MAP3K10: variants seen among roughly 807,000 people sequenced by gnomAD.
MAP3K10 encodes mitogen-activated protein kinase kinase kinase 10.
In MAP3K10, 22 loss-of-function variants were observed where a neutral mutation model predicts 75.0. That is an observed-to-expected ratio of 0.29 (90% CI 0.21 to 0.42). The LOEUF (loss-of-function observed/expected upper bound fraction) is 0.42, where lower values mean the gene tolerates loss of function less well. MAP3K10 is among the 10% of genes least tolerant of loss of function. MAP3K10 has a pLI of 1.00. For synonymous variants in MAP3K10, 599 were observed against 612.9 expected, an observed-to-expected ratio of 0.98 and a Z score of 0.34; for missense variants, 1,165 against 1,379.8, an observed-to-expected ratio of 0.84 and a Z score of 2.47.
At chr19:40,206,931 C>T (rs969335839) in intron 5 of MAP3K10, among the ~76,000 whole-genome samples, 5 of 152,110 alleles carry the variant, frequency 3.3e-5, no homozygotes, top group Admixed American at 1.3e-4. Context: ...AATCCCGCCT[C>T]TACTAAAACT....
In MAP3K10 at chr19:40,196,743, T is replaced by C. The variant is rs1972914896; in HGVS notation, c.683-1632T>C. On this transcript the variant is annotated intron_variant, in intron 1 of 9. Transcript: ENST00000253055. Reference sequence around the variant, plus strand: ...TATGTTGGCCAGGCTGGTCTCGGTCTCCTGACCTCAAGTGATCCACCTACC... The same window carrying C: ...TATGTTGGCCAGGCTGGTCTCGGTCCCCTGACCTCAAGTGATCCACCTACC... Among the ~76,000 whole-genome samples the C allele has an allele frequency of 3.9e-5, 6 of 152,274 alleles. 1 individual carries two copies. In the South Asian group the frequency reaches 1.2e-3, roughly 32 times the overall value.
In MAP3K10 at chr19:40,198,561, G is replaced by C. The variant is rs763269604; in HGVS notation, c.863+6G>C. ...AAAAGCAGTGATGTCTGGAGGTGCT[G>C]AAAGGCGCGGCCGGGATGGCCTCTG... On this transcript the variant is annotated splice_donor_region_variant and intron_variant, in intron 2 of 9. Transcript: ENST00000253055. This position sits in a 1 kb window ranked among gnomAD's most constrained non-coding sequence, Gnocchi z 4.3. 3.1e-6 allele frequency: 5 copies of C among 1,605,072 alleles called. No homozygotes were observed. Among genetic ancestry groups the C allele is most frequent in the Admixed American group, 1.7e-5 (1 of 59,490 alleles).
rs748993315 is a variant in MAP3K10, at chr19:40,198,351, C to T, written c.683-24C>T. On this transcript the variant is annotated intron_variant, in intron 1 of 9. Coordinates refer to ENST00000253055, the MANE Select transcript of MAP3K10 (RefSeq NM_002446.4). The surrounding 1 kb of genome is among the most constrained non-coding windows in gnomAD (Gnocchi z 4.3). ...CTGCGGCGTGGCAGGTCTGGGGTGA[C>T]CCACCTTTCTTCCCACCCCACAGTC... 3 of 1,596,098 alleles carry T rather than the reference C, an allele frequency of 1.9e-6. No individual in the cohort carries two copies. The highest frequency in any genetic ancestry group is 2.6e-6 in the Non-Finnish European group (3 of 1,169,634).
At position 40,214,007 on chromosome 19, in the gene MAP3K10, A is replaced by ACCCCCCCCCCCCCCCCCCCCCCCCCCCCC; in HGVS notation, c.2330_2331insCCCCCCCCCCCCCCCCCCCCCCCCCCCCC (p.Ser779ProfsTer53). 1 of 512,952 alleles carries ACCCCCCCCCCCCCCCCCCCCCCCCCCCCC rather than the reference A, an allele frequency of 1.9e-6. No homozygotes were observed. Among genetic ancestry groups the ACCCCCCCCCCCCCCCCCCCCCCCCCCCCC allele is most frequent in the East Asian group, 6.5e-5 (1 of 15,472 alleles). The allele number at this position is 512,952 out of a possible 1,614,324, so 31.8% of individuals were successfully genotyped here. ...AGGCCGCACCGGCCGCGCCCTCCCCACCACCCTCCCCGCCCGCGCCCACAC... is the reference window on the plus strand; with the variant it reads ...AGGCCGCACCGGCCGCGCCCTCCCCACCCCCCCCCCCCCCCCCCCCCCCCCCCCCCCACCCTCCCCGCCCGCGCCCACAC... On this transcript the variant is annotated frameshift_variant, in exon 9 of 10. Transcript: ENST00000253055. LOFTEE classifies it high-confidence loss of function.
rs1973071856 is a variant in MAP3K10, at chr19:40,204,001, T to C, written c.864-484T>C. On this transcript the variant is annotated intron_variant, in intron 2 of 9. Coordinates refer to ENST00000253055, the MANE Select transcript of MAP3K10 (RefSeq NM_002446.4). The surrounding 1 kb of genome is among the most constrained non-coding windows in gnomAD (Gnocchi z 4.3). ...TGTGGCTGCAAGATGAAGTTGGGGT[T>C]AGAATGGGCTGAGAGTGTTTGGAAG... Among the ~76,000 whole-genome samples the C allele has an allele frequency of 6.6e-6, 1 of 152,108 alleles. No homozygotes were observed. The highest frequency in any genetic ancestry group is 2.1e-4 in the South Asian group (1 of 4,824).
intron 2 of MAP3K10, among the ~76,000 whole-genome samples, chr19:40,202,420 G>C (rs939856230): frequency 1.3e-5 from 2 of 152,138 alleles, no homozygotes; most frequent in African/African-American, 4.8e-5. Flanking sequence ...GTCCTGCCGC[G>C]GCTTCGCAGG....
At chr19:40,214,888 T>C (rs1196500159) in intron 9 of MAP3K10, 82 bp from the exon 10 acceptor site, 4 of 687,568 alleles carry the variant, frequency 5.8e-6, no homozygotes, top group Non-Finnish European at 1.0e-5. Flanking sequence ...CCAGAACTTG[T>C]GCTTTTCATG....
chr19:40,192,631 T>A lies in MAP3K10; in HGVS notation c.600T>A (p.Ala200=). The stretch of plus-strand genomic sequence containing the variant: ...CACCTCACGTGCTGGTCAACTGGGC[T>A]GTGCAGGTGGCCCGGGGCATGAACT... ...RVPPHVLVNW[A]VQVARGMNYL... is the part of the protein sequence containing the mutation. The change falls in exon 1 of 10, where the codon GCT becomes GCA. Residue 200 remains alanine, a synonymous_variant. Transcript: ENST00000253055. The surrounding 1 kb of genome is among the most constrained non-coding windows in gnomAD (Gnocchi z 7.1). The A allele has an allele frequency of 6.2e-7, 1 of 1,607,850 alleles. No individual in the cohort carries two copies. Among genetic ancestry groups the A allele is most frequent in the East Asian group, 2.2e-5 (1 of 44,794 alleles).
rs1568496755 is a variant in MAP3K10 at position 40,215,196 on chromosome 19, G to GC, written c.2775dup (p.Ser926GlnfsTer42). On this transcript the variant is annotated frameshift_variant, in exon 10 of 10. Transcript: ENST00000253055. LOFTEE classifies it high-confidence loss of function. Reference sequence around the variant, plus strand: ...GGCCAGACACTCCGGAGAGCCCTGGGCCCCCCAGCGTGCAGCCCACACTGC... The same window carrying GC: ...GGCCAGACACTCCGGAGAGCCCTGGGCCCCCCCAGCGTGCAGCCCACACTGC... 1.9e-6 allele frequency: 3 copies of GC among 1,585,712 alleles called. No homozygotes were observed. The highest frequency in any genetic ancestry group is 2.3e-5 in the South Asian group (2 of 87,430).
chr19:40,213,954 C>T lies in MAP3K10; in HGVS notation c.2275C>T (p.Arg759Cys), dbSNP rs1413610278. ...LSSVSDCNSTRSLLRSDSDEA... is the reference protein window; with the variant it reads ...LSSVSDCNSTCSLLRSDSDEA... ...GTCCGTGTCCGACTGCAACTCCACG[C>T]GTTCACTGCTGCGCTCTGACAGTGA... is the stretch of plus-strand genomic sequence containing the variant. Residue 759 changes from arginine (R) to cysteine (C), a missense_variant, in exon 9 of 10, where the codon CGT (arginine) becomes TGT (cysteine). Around this residue, in one of 2 missense-constraint regions of MAP3K10, gnomAD observed 590 missense variants for 586.6 expected, o/e 1.01. Transcript: ENST00000253055. The surrounding 1 kb of genome is among the most constrained non-coding windows in gnomAD (Gnocchi z 5.7). 2.6e-6 allele frequency: 4 copies of T among 1,533,336 alleles called. No individual in the cohort carries two copies. The highest frequency in any genetic ancestry group is 2.4e-5 in the South Asian group (2 of 82,664). The allele number at this position is 1,533,336 out of a possible 1,614,324, so 95.0% of individuals were successfully genotyped here.
chr19:40,209,326 C>CA lies in MAP3K10; in HGVS notation c.1552+108dup. 3 of 728,140 alleles carry CA rather than the reference C, an allele frequency of 4.1e-6. No homozygotes were observed. The South Asian group carries it at 5.4e-5, about 13-fold the overall frequency. The allele number at this position is 728,140 out of a possible 1,614,324, so 45.1% of individuals were successfully genotyped here. A position where few individuals can be genotyped will look rare whatever the true frequency, so the allele number is the denominator to read the frequency against. ...GCCAGAGTAACAGCAAGAAAGAAGA[C>CA]AGACAAGGCCCTTTTCCTCATTCTT... On this transcript the variant is annotated intron_variant, in intron 6 of 9. Transcript: ENST00000253055.
chr19:40,213,986 C>A lies in MAP3K10; in HGVS notation c.2307C>A (p.Ala769=). 12 of 1,528,576 alleles carry A rather than the reference C, an allele frequency of 7.9e-6. No individual in the cohort carries two copies. Among genetic ancestry groups the A allele is most frequent in the Non-Finnish European group, 1.0e-5 (12 of 1,144,010 alleles). 94.7% of individuals were successfully genotyped at this position (1,528,576 alleles called of 1,614,324 possible). ...TGCTGCGCTCTGACAGTGACGAGGC[C>A]GCACCGGCCGCGCCCTCCCCACCAC... The part of the protein sequence containing the change: ...RSLLRSDSDE[A]APAAPSPPPS... The change falls in exon 9 of 10, where the codon GCC becomes GCA. Residue 769 remains alanine (A), a synonymous_variant. Transcript: ENST00000253055. This position sits in a 1 kb window ranked among gnomAD's most constrained non-coding sequence, Gnocchi z 5.7.
intron 1 of MAP3K10, among the ~76,000 whole-genome samples, chr19:40,197,945 A>G (rs1972940953): frequency 6.6e-6 from 1 of 151,944 alleles, no homozygotes; most frequent in South Asian, 2.1e-4. Context: ...GATCCTCCCA[A>G]CTTAGCCTCC....
At position 40,214,025 on chromosome 19, in the gene MAP3K10, G is replaced by GCCCACA. The variant is rs764143408; in HGVS notation, c.2352_2357dup (p.Thr786_Pro787dup). On this transcript the variant is annotated inframe_insertion, in exon 9 of 10. Coordinates refer to ENST00000253055, the MANE Select transcript of MAP3K10 (RefSeq NM_002446.4). Reference sequence around the variant, plus strand: ...CCTCCCCACCACCCTCCCCGCCCGCGCCCACACCCACGCCCTCGCCCAGCA... The same window carrying GCCCACA: ...CCTCCCCACCACCCTCCCCGCCCGCGCCCACACCCACACCCACGCCCTCGCCCAGCA... 3.1e-6 allele frequency: 3 copies of GCCCACA among 976,534 alleles called. No individual in the cohort carries two copies. Among genetic ancestry groups the GCCCACA allele is most frequent in the East Asian group, 5.1e-5 (1 of 19,460 alleles). 60.5% of individuals were successfully genotyped at this position (976,534 alleles called of 1,614,324 possible).
At chr19:40,197,537 G>T (rs1972930113) in intron 1 of MAP3K10, among the ~76,000 whole-genome samples, 2 of 152,092 alleles carry the variant, frequency 1.3e-5, no homozygotes, top group South Asian at 4.1e-4. Context: ...TGTTGGCCAG[G>T]CTGGTCTCGA....
chr19:40,197,267 G>A (rs545479048), intron 1 of MAP3K10, among the ~76,000 whole-genome samples: 2 of 152,140 alleles, frequency 1.3e-5, no homozygotes, highest in South Asian at 4.1e-4. Context: ...GTCATTCTTA[G>A]CCAAAGCAAG....
chr19:40,204,497 G>A lies in MAP3K10; in HGVS notation c.876G>A (p.Leu292=). ...KSSDVWSFGV[L]LWELLTGEVP... ...CCCCTGCCTGCAGCTTCGGGGTGCT[G>A]CTGTGGGAGCTGCTGACGGGGGAGG... Residue 292 remains leucine (L), a synonymous_variant, in exon 3 of 10, where the codon CTG becomes CTA. Transcript: ENST00000253055. This position sits in a 1 kb window ranked among gnomAD's most constrained non-coding sequence, Gnocchi z 4.3. The A allele has an allele frequency of 6.2e-7, 1 of 1,613,476 alleles. No individual in the cohort carries two copies. Among genetic ancestry groups the A allele is most frequent in the Admixed American group, 1.7e-5 (1 of 60,012 alleles).
chr19:40,213,987 G>A lies in MAP3K10; in HGVS notation c.2308G>A (p.Ala770Thr), dbSNP rs755866907. The A allele has an allele frequency of 3.1e-5, 48 of 1,526,914 alleles. No individual in the cohort carries two copies. The highest frequency in any genetic ancestry group is 1.2e-5 in the South Asian group (1 of 82,536). 94.6% of individuals were successfully genotyped at this position (1,526,914 alleles called of 1,614,324 possible). A position where few individuals can be genotyped will look rare whatever the true frequency, so the allele number is the denominator to read the frequency against. Residue 770 changes from alanine to threonine, a missense_variant, in exon 9 of 10, where the codon GCA becomes ACA. By Grantham distance (58) the Ala-to-Thr change is moderately conservative. Coordinates refer to ENST00000253055, the MANE Select transcript of MAP3K10 (RefSeq NM_002446.4). The surrounding 1 kb of genome is among the most constrained non-coding windows in gnomAD (Gnocchi z 5.7). ...GCTGCGCTCTGACAGTGACGAGGCCGCACCGGCCGCGCCCTCCCCACCACC... is the reference window on the plus strand; with the variant it reads ...GCTGCGCTCTGACAGTGACGAGGCCACACCGGCCGCGCCCTCCCCACCACC... ...SLLRSDSDEAAPAAPSPPPSP... is the reference protein window; with the variant it reads ...SLLRSDSDEATPAAPSPPPSP...
Position 40,198,545 on chromosome 19 carries a change from G to C in MAP3K10, c.853G>C (p.Asp285His), listed in dbSNP as rs1174137580. ...IRLSLFSKSS[D>H]VWSFGVLLWE... ...TCTCTCCCTCTTCTCCAAAAGCAGTGATGTCTGGAGGTGCTGAAAGGCGCG... is the reference window on the plus strand; with the variant it reads ...TCTCTCCCTCTTCTCCAAAAGCAGTCATGTCTGGAGGTGCTGAAAGGCGCG... The change falls in exon 2 of 10, where the codon GAT (aspartate) becomes CAT (histidine). Residue 285 changes from aspartate to histidine, a missense_variant. Around this residue, in one of 2 missense-constraint regions of MAP3K10, gnomAD observed 575 missense variants for 793.2 expected, o/e 0.72. Transcript: ENST00000253055. The surrounding 1 kb of genome is among the most constrained non-coding windows in gnomAD (Gnocchi z 4.3). 6.2e-7 allele frequency: 1 copy of C among 1,612,360 alleles called. No individual in the cohort carries two copies. Among genetic ancestry groups the C allele is most frequent in the Non-Finnish European group, 8.5e-7 (1 of 1,178,900 alleles).
Sources: allele counts gnomAD v4.1 joint callset (sites outside exome capture counted in the v4.1 genomes callset), GRCh38; gene constraint gnomAD v4.1.1; regional missense constraint gnomAD v4.1.1; non-coding constraint Gnocchi (gnomAD v3.1); transcripts MANE v1.5; gene names NCBI Gene and HGNC (gene_info 2026-07-23, HGNC 2026-07-21).